Variants in BCS1L observed in about 807,000 individuals in gnomAD.
The protein encoded by BCS1L is mitochondrial chaperone BCS1.
Under a neutral mutation model 49.3 loss-of-function variants are expected in BCS1L, and 38 were observed. The ratio of observed to expected loss-of-function variants is 0.77; its 90% confidence interval spans 0.59 to 1.01. The LOEUF is 1.01. Among genes scored for constraint, BCS1L ranks in the 50% least tolerant of loss-of-function variants. The pLI is 0.00. For missense variants in BCS1L, 394 were observed against 540.2 expected, an observed-to-expected ratio of 0.73 and a Z score of 2.68; for synonymous variants, 193 against 210.1, an observed-to-expected ratio of 0.92 and a Z score of 0.70.
rs146786097 is a variant in BCS1L, at chr2:218,660,503, AC to A, written c.-49-435del. ...GGGAGGTAATAAAGGTCTAAACAAG[AC>A]GTTAAATATTGGGGACGTAAGGGGG... On this transcript the variant is annotated intron_variant, in intron 1 of 7. Transcript: ENST00000359273. 1,904 of 170,624 alleles carry A rather than the reference AC, an allele frequency of 0.011. 47 individuals carry two copies. The highest frequency in any genetic ancestry group is 0.043 in the African/African-American group (1,808 of 41,930). 10.6% of individuals were successfully genotyped at this position (170,624 alleles called of 1,614,324 possible). A position where few individuals can be genotyped will look rare whatever the true frequency, so the allele number is the denominator to read the frequency against.
rs1320616730 is a variant in BCS1L, at chr2:218,662,474, G to T, written c.720-36G>T. The T allele has an allele frequency of 2.0e-5, 32 of 1,612,746 alleles. No individual in the cohort carries two copies. The highest frequency in any genetic ancestry group is 2.6e-5 in the Non-Finnish European group (31 of 1,179,900). ...GCTGGGCCTGAGGAAGCATTTCCAG[G>T]TTGCCTGCTACCTCCTGCCATCCCA... On this transcript the variant is annotated intron_variant, in intron 5 of 7. Coordinates refer to ENST00000359273, the MANE Select transcript of BCS1L (RefSeq NM_001079866.2). This position sits in a 1 kb window ranked among gnomAD's most constrained non-coding sequence, Gnocchi z 5.8.
rs930414096 is a variant in BCS1L, at chr2:218,661,611, A to G, written c.460+66A>G. On this transcript the variant is annotated intron_variant, in intron 3 of 7. Coordinates refer to ENST00000359273, the MANE Select transcript of BCS1L (RefSeq NM_001079866.2). The surrounding 1 kb of genome is among the most constrained non-coding windows in gnomAD (Gnocchi z 5.9). Reference sequence around the variant, plus strand: ...GGATGGGGACATTTGACATCAGATGAGCAGTTTGGAGAAGTGGAATAAGCA... The same window carrying G: ...GGATGGGGACATTTGACATCAGATGGGCAGTTTGGAGAAGTGGAATAAGCA... 1.2e-6 allele frequency: 2 copies of G among 1,602,868 alleles called. No individual in the cohort carries two copies. Among genetic ancestry groups the G allele is most frequent in the Admixed American group, 3.5e-5 (2 of 57,472 alleles).
chr2:218,660,727 A>T, intron 1 of BCS1L: 1 of 496,406 alleles, frequency 2.0e-6, no homozygotes, highest in Non-Finnish European at 3.7e-6. Context: ...ATCTCCAGAC[A>T]TGGTCCTCTG....
Position 218,661,583 on chromosome 2 carries a change from C to A in BCS1L, c.460+38C>A. On this transcript the variant is annotated intron_variant, in intron 3 of 7. Transcript: ENST00000359273. This position sits in a 1 kb window ranked among gnomAD's most constrained non-coding sequence, Gnocchi z 5.9. Reference sequence around the variant, plus strand: ...ACAGGCAGGCTTTCTAGGGACATTGCAGGGATGGGGACATTTGACATCAGA... The same window carrying A: ...ACAGGCAGGCTTTCTAGGGACATTGAAGGGATGGGGACATTTGACATCAGA... 1 of 1,612,484 alleles carries A rather than the reference C, an allele frequency of 6.2e-7. No individual in the cohort carries two copies. The highest frequency in any genetic ancestry group is 8.5e-7 in the Non-Finnish European group (1 of 1,179,334).
intron 1 of BCS1L, 125 bp from the exon 2 acceptor site, chr2:218,660,814 A>G (rs987426569): frequency 4.4e-6 from 3 of 677,244 alleles, no homozygotes; most frequent in Non-Finnish European, 7.5e-6. Flanking sequence ...TTGCATTCCA[A>G]TACCACCCTT....
In BCS1L at chr2:218,663,122, G is replaced by A; in HGVS notation, c.1008-12G>A. On this transcript the variant is annotated splice_polypyrimidine_tract_variant and intron_variant, in intron 7 of 7. Coordinates refer to ENST00000359273, the MANE Select transcript of BCS1L (RefSeq NM_001079866.2). ...GGTGCTAGTGTGACCTGCTTTCCCT[G>A]TCTTCTCTCAGGCTGGACCCTGCCC... 1 of 1,614,186 alleles carries A rather than the reference G, an allele frequency of 6.2e-7. No homozygotes were observed. The highest frequency in any genetic ancestry group is 8.5e-7 in the Non-Finnish European group (1 of 1,180,032).
chr2:218,663,032 G>C, intron 7 of BCS1L, 32 bp downstream of exon 7: 1 of 1,613,926 alleles, frequency 6.2e-7, no homozygotes, highest in Non-Finnish European at 8.5e-7. Context: ...TGAGACTTAG[G>C]CAAGAGCCCA....
chr2:218,661,797 G>T lies in BCS1L; in HGVS notation c.499G>T (p.Val167Leu). ...LALQQEEGKT[V>L]MYTAVGSEWR... Reference sequence around the variant, plus strand: ...CTTGCAGCAGGAGGAAGGGAAGACCGTGATGTACACAGCTGTGGGCTCTGA... The same window carrying T: ...CTTGCAGCAGGAGGAAGGGAAGACCTTGATGTACACAGCTGTGGGCTCTGA... Residue 167 changes from valine to leucine, a missense_variant, in exon 4 of 8, where the codon GTG becomes TTG. Transcript: ENST00000359273. The surrounding 1 kb of genome is among the most constrained non-coding windows in gnomAD (Gnocchi z 5.9). The T allele has an allele frequency of 6.2e-7, 1 of 1,612,604 alleles. No homozygotes were observed. The highest frequency in any genetic ancestry group is 1.1e-5 in the South Asian group (1 of 91,074).
In BCS1L at chr2:218,662,691, G is replaced by A. The variant is rs779048403; in HGVS notation, c.889+12G>A. 1 of 1,614,084 alleles carries A rather than the reference G, an allele frequency of 6.2e-7. No homozygotes were observed. Reference sequence around the variant, plus strand: ...CTTGGCTGTGGAGAGTAAGTGAGGGGTTCTGGAGGAAGTGGAGTGGGTAAC... The same window carrying A: ...CTTGGCTGTGGAGAGTAAGTGAGGGATTCTGGAGGAAGTGGAGTGGGTAAC... On this transcript the variant is annotated intron_variant, in intron 6 of 7. Transcript: ENST00000359273. The surrounding 1 kb of genome is among the most constrained non-coding windows in gnomAD (Gnocchi z 5.8).
rs750883848 is a variant in BCS1L, at chr2:218,662,560, C to T, written c.770C>T (p.Thr257Met). ...LEHSICLLSL[T>M]DSSLSDDRLN... ...CACAGCATCTGCCTGCTGAGCCTCA[C>T]GGACTCCAGCCTCTCTGATGACCGA... The change falls in exon 6 of 8, where the codon ACG (threonine) becomes ATG (methionine). Residue 257 changes from threonine (T) to methionine (M), a missense_variant. By Grantham distance (81) the Thr-to-Met change is moderately conservative. Coordinates refer to ENST00000359273, the MANE Select transcript of BCS1L (RefSeq NM_001079866.2). The surrounding 1 kb of genome is among the most constrained non-coding windows in gnomAD (Gnocchi z 5.8). 1.3e-5 allele frequency: 21 copies of T among 1,614,042 alleles called. No individual in the cohort carries two copies. Among genetic ancestry groups the T allele is most frequent in the Admixed American group, 1.0e-4 (6 of 60,006 alleles).
rs1939411853 is a variant in BCS1L, at chr2:218,661,403, C to T, written c.321-3C>T. 6.2e-7 allele frequency: 1 copy of T among 1,614,048 alleles called. No individual in the cohort carries two copies. The highest frequency in any genetic ancestry group is 1.3e-5 in the African/African-American group (1 of 74,914). On this transcript the variant is annotated splice_polypyrimidine_tract_variant and splice_region_variant and intron_variant, in intron 2 of 7. Coordinates refer to ENST00000359273, the MANE Select transcript of BCS1L (RefSeq NM_001079866.2). This position sits in a 1 kb window ranked among gnomAD's most constrained non-coding sequence, Gnocchi z 5.9. ...TCACTCAGTTTTGATCGTTCTTATTCAGGTATCGGGGGAAATGGATTCGGG... is the reference window on the plus strand; with the variant it reads ...TCACTCAGTTTTGATCGTTCTTATTTAGGTATCGGGGGAAATGGATTCGGG...
In BCS1L at chr2:218,662,695, T is replaced by C. The variant is rs748288923; in HGVS notation, c.889+16T>C. 1 of 1,614,008 alleles carries C rather than the reference T, an allele frequency of 6.2e-7. No individual in the cohort carries two copies. The highest frequency in any genetic ancestry group is 8.5e-7 in the Non-Finnish European group (1 of 1,180,028). On this transcript the variant is annotated intron_variant, in intron 6 of 7. Coordinates refer to ENST00000359273, the MANE Select transcript of BCS1L (RefSeq NM_001079866.2). The surrounding 1 kb of genome is among the most constrained non-coding windows in gnomAD (Gnocchi z 5.8). ...GCTGTGGAGAGTAAGTGAGGGGTTC[T>C]GGAGGAAGTGGAGTGGGTAACTGTG...
At position 218,661,600 on chromosome 2, in the gene BCS1L, G is replaced by A; in HGVS notation, c.460+55G>A. On this transcript the variant is annotated intron_variant, in intron 3 of 7. Coordinates refer to ENST00000359273, the MANE Select transcript of BCS1L (RefSeq NM_001079866.2). The surrounding 1 kb of genome is among the most constrained non-coding windows in gnomAD (Gnocchi z 5.9). ...GGACATTGCAGGGATGGGGACATTT[G>A]ACATCAGATGAGCAGTTTGGAGAAG... 1.9e-6 allele frequency: 3 copies of A among 1,608,080 alleles called. No homozygotes were observed. Among genetic ancestry groups the A allele is most frequent in the Non-Finnish European group, 2.5e-6 (3 of 1,177,310 alleles).
At chr2:218,660,213 A>G (rs1939190954) in intron 1 of BCS1L, 1 of 152,268 alleles carries the variant, frequency 6.6e-6, no homozygotes, top group South Asian at 2.1e-4. Flanking sequence ...CATATTTGCT[A>G]AACAGGTAGT....
chr2:218,662,163 G>T lies in BCS1L; in HGVS notation c.656-34G>T. The T allele has an allele frequency of 6.2e-7, 1 of 1,605,594 alleles. No homozygotes were observed. Among genetic ancestry groups the T allele is most frequent in the Non-Finnish European group, 8.5e-7 (1 of 1,172,296 alleles). On this transcript the variant is annotated intron_variant, in intron 4 of 7. Transcript: ENST00000359273. This position sits in a 1 kb window ranked among gnomAD's most constrained non-coding sequence, Gnocchi z 5.8. The stretch of plus-strand genomic sequence containing the variant: ...CTGGGAATGAACGTAGATATCCGGG[G>T]CAAAAGACATGATCATCCTGGCTCT...
rs1203344357 is a variant in BCS1L, at chr2:218,662,380, G to T, written c.719+120G>T. 6.1e-6 allele frequency: 9 copies of T among 1,484,430 alleles called. No homozygotes were observed. The highest frequency in any genetic ancestry group is 8.4e-6 in the Non-Finnish European group (9 of 1,065,262). The allele number at this position is 1,484,430 out of a possible 1,614,324, so 92.0% of individuals were successfully genotyped here. A position where few individuals can be genotyped will look rare whatever the true frequency, so the allele number is the denominator to read the frequency against. On this transcript the variant is annotated intron_variant, in intron 5 of 7. Transcript: ENST00000359273. This position sits in a 1 kb window ranked among gnomAD's most constrained non-coding sequence, Gnocchi z 5.8. ...GGGGACCAGGATAAACATGAAACGTGTGGAACATCAGGGTGTGAGGTAGAA... is the reference window on the plus strand; with the variant it reads ...GGGGACCAGGATAAACATGAAACGTTTGGAACATCAGGGTGTGAGGTAGAA...
chr2:218,660,424 G>A, intron 1 of BCS1L: 27 of 156,108 alleles, frequency 1.7e-4, no homozygotes, highest in South Asian at 9.5e-4. Flanking sequence ...AGCAGGAGGT[G>A]AAGACCTATT....
rs1559318813 is a variant in BCS1L at position 218,662,606 on chromosome 2, G to C, written c.816G>C (p.Val272=). The change falls in exon 6 of 8, where the codon GTG becomes GTC. Residue 272 remains valine, a synonymous_variant. Transcript: ENST00000359273. This position sits in a 1 kb window ranked among gnomAD's most constrained non-coding sequence, Gnocchi z 5.8. Reference sequence around the variant, plus strand: ...ACCGACTCAACCACCTGCTGAGCGTGGCCCCGCAGCAGAGCCTGGTACTCC... The same window carrying C: ...ACCGACTCAACCACCTGCTGAGCGTCGCCCCGCAGCAGAGCCTGGTACTCC... The part of the protein sequence containing the change: ...SDDRLNHLLS[V]APQQSLVLLE... The C allele has an allele frequency of 5.6e-6, 9 of 1,614,068 alleles. No individual in the cohort carries two copies. Among genetic ancestry groups the C allele is most frequent in the Non-Finnish European group, 7.6e-6 (9 of 1,180,034 alleles).
chr2:218,659,571 T>G (rs998240247), upstream of BCS1L: 1 of 152,096 alleles, frequency 6.6e-6, no homozygotes, highest in Non-Finnish European at 1.5e-5. This position sits in a 1 kb window ranked among gnomAD's most constrained non-coding sequence, Gnocchi z 4.4. Context: ...CCACCCCCAC[T>G]CCAGCCCTGA....
Sources: allele counts gnomAD v4.1 joint callset, GRCh38; gene constraint gnomAD v4.1.1; non-coding constraint Gnocchi (gnomAD v3.1); transcripts MANE v1.5; gene names NCBI Gene and HGNC (gene_info 2026-07-23, HGNC 2026-07-21).